The following CCDC93 variants were observed in gnomAD, a reference collection of about 807,000 sequenced individuals.
The protein encoded by CCDC93 is CCC complex scaffolding subunit CCDC93.
A neutral mutation model predicts 108.2 loss-of-function variants in CCDC93; 61 were observed. The ratio of observed to expected loss-of-function variants is 0.56; its 90% CI spans 0.46 to 0.70. CCDC93 has a LOEUF of 0.70. Among genes scored for constraint, CCDC93 ranks in the 30% least tolerant of loss-of-function variants. The pLI is 0.00. For missense variants in CCDC93, 685 were observed against 764.2 expected (o/e 0.90, Z 1.22); for synonymous variants, 276 against 260.4 (o/e 1.06, Z -0.58).
At position 117,975,271 on chromosome 2, in the gene CCDC93, T is replaced by C; in HGVS notation, c.667A>G (p.Lys223Glu). Residue 223 changes from lysine (K) to glutamate (E), a missense_variant, in exon 9 of 24, where the codon AAG becomes GAG. Physicochemically the swap from Lys to Glu is moderately conservative, Grantham distance 56. Transcript: ENST00000376300. Reference protein sequence around the residue: ...RQSKMEKAEDKKTALPAGLSA... With the variant: ...RQSKMEKAEDEKTALPAGLSA... ...AGCCCTGCTGGAAGTGCCGTTTTCT[T>C]GTCCTCAGCCTGCAAGGGAAGATGT... 6.2e-7 allele frequency: 1 copy of C among 1,612,816 alleles called. No individual in the cohort carries two copies. Among genetic ancestry groups the C allele is most frequent in the Non-Finnish European group, 8.5e-7 (1 of 1,179,692 alleles).
chr2:117,926,215 A>G lies in CCDC93; in HGVS notation c.1842+4822T>C, dbSNP rs1379096312. ...AACATCACAATGAAAAGAACTAGAGAAGCAAGAGCAAACACATTCAAAAGC... is the reference window on the plus strand; with the variant it reads ...AACATCACAATGAAAAGAACTAGAGGAGCAAGAGCAAACACATTCAAAAGC... On this transcript the variant is annotated intron_variant, in intron 23 of 23. Coordinates refer to ENST00000376300, the MANE Select transcript of CCDC93 (RefSeq NM_019044.5). Among the ~76,000 whole-genome samples, 4 of 152,328 alleles carry G rather than the reference A, an allele frequency of 2.6e-5. No individual in the cohort carries two copies. In the East Asian group the frequency reaches 7.7e-4, roughly 29 times the overall value.
intron 4 of CCDC93, among the ~76,000 whole-genome samples, chr2:117,998,553 A>G (rs190459054): frequency 4.3e-4 from 66 of 152,328 alleles, no homozygotes; most frequent in Admixed American, 3.9e-3. Flanking sequence ...AAAATTTTAC[A>G]GGTCCATGAA....
rs1166423716 is a variant in CCDC93, at chr2:117,996,358, A to G, written c.368T>C (p.Leu123Pro). 6.2e-7 allele frequency: 1 copy of G among 1,610,466 alleles called. No homozygotes were observed. The highest frequency in any genetic ancestry group is 8.5e-7 in the Non-Finnish European group (1 of 1,176,702). The change falls in exon 5 of 24, where the codon CTG becomes CCG. Residue 123 changes from leucine to proline, a missense_variant. Transcript: ENST00000376300. The part of the protein sequence containing the change: ...FIHIFPVVQW[L>P]VKRAIETKEE... ...TTTTGTTTCTATAGCTCGTTTCACC[A>G]GCCACTGGGGAAGAAAGTGAAAAGA...
In CCDC93 at chr2:118,008,601, A is replaced by G. The variant is rs1452935831; in HGVS notation, c.100T>C (p.Leu34=). 1.2e-6 allele frequency: 2 copies of G among 1,613,696 alleles called. No individual in the cohort carries two copies. The highest frequency in any genetic ancestry group is 8.5e-7 in the Non-Finnish European group (1 of 1,179,608). ...NVKLTEILEL[L]VAAGYFRARI... ...GCCCTGAAATACCCAGCTGCAACCA[A>G]GAGCTCCAGAATTTCAGTCAACTTG... Residue 34 remains leucine, a synonymous_variant, in exon 2 of 24, where the codon TTG becomes CTG. Coordinates refer to ENST00000376300, the MANE Select transcript of CCDC93 (RefSeq NM_019044.5).
rs1282380251 is a variant in CCDC93, at chr2:117,951,399, A to G, written c.1068+974T>C. 6 of 985,354 alleles carry G rather than the reference A, an allele frequency of 6.1e-6. No homozygotes were observed. The Admixed American group carries it at 3.7e-4, about 61-fold the overall frequency. The allele number at this position is 985,354 out of a possible 1,614,324, so 61.0% of individuals were successfully genotyped here. ...CCTGCCCTTTTGAAATATTCTGACAATAACTGAAGAGGTTAGTCCAGACCA... is the reference window on the plus strand; with the variant it reads ...CCTGCCCTTTTGAAATATTCTGACAGTAACTGAAGAGGTTAGTCCAGACCA... On this transcript the variant is annotated intron_variant, in intron 13 of 23. Transcript: ENST00000376300.
chr2:117,921,166 G>A (rs1309590839), intron 23 of CCDC93, among the ~76,000 whole-genome samples: 13 of 144,810 alleles, frequency 9.0e-5, no homozygotes, highest in Non-Finnish European at 1.7e-4. Context: ...GACAGAGCAA[G>A]GCTCTGTCTC....
chr2:117,938,963 T>A, intron 20 of CCDC93, 66 bp downstream of exon 20: 1 of 832,364 alleles, frequency 1.2e-6, no homozygotes, highest in Non-Finnish European at 2.0e-6. Context: ...ATCAAGTTCA[T>A]TTGACTTCCT....
chr2:117,937,128 G>A (rs1316105492), intron 20 of CCDC93, among the ~76,000 whole-genome samples: 2 of 152,182 alleles, frequency 1.3e-5, no homozygotes, highest in African/African-American at 4.8e-5. Flanking sequence ...ACAGCTTACG[G>A]GAGTCAGACA....
chr2:118,013,834 C>T lies in CCDC93; in HGVS notation c.42+120G>A, dbSNP rs61312184. ...GGTCGGCGCTTCCCTGAGGTGGATA[C>T]GCCTGAGGAAGGGGGCGGGGCGCCC... On this transcript the variant is annotated intron_variant, in intron 1 of 23. Transcript: ENST00000376300. 2.8e-3 allele frequency: 2,475 copies of T among 872,354 alleles called. 102 individuals are homozygous for T. The East Asian group carries it at 0.072, about 25-fold the overall frequency. 54.0% of individuals were successfully genotyped at this position (872,354 alleles called of 1,614,324 possible).
intron 23 of CCDC93, among the ~76,000 whole-genome samples, chr2:117,926,573 A>T (rs1221918246): frequency 6.6e-6 from 1 of 152,248 alleles, no homozygotes. Flanking sequence ...AACGAGGAAG[A>T]AGTTGAATTT....
intron 11 of CCDC93, among the ~76,000 whole-genome samples, chr2:117,969,871 C>T (rs1028782236): frequency 6.6e-6 from 1 of 152,178 alleles, no homozygotes; most frequent in Admixed American, 6.5e-5. Context: ...CCCTTCCTTA[C>T]AGCATCGAAC....
intron 12 of CCDC93, among the ~76,000 whole-genome samples, chr2:117,955,267 A>T (rs1679182100): frequency 1.3e-5 from 2 of 152,268 alleles, no homozygotes; most frequent in East Asian, 3.9e-4. Flanking sequence ...TTGTAACCAT[A>T]CAACTCACTC....
chr2:117,920,799 T>C (rs533491218), intron 23 of CCDC93, among the ~76,000 whole-genome samples: 1 of 152,280 alleles, frequency 6.6e-6, no homozygotes, highest in South Asian at 2.1e-4. Flanking sequence ...CTAGTTTACA[T>C]AGCAGGCAAA....
chr2:117,927,327 A>C (rs1452557107), intron 23 of CCDC93, among the ~76,000 whole-genome samples: 2 of 152,172 alleles, frequency 1.3e-5, no homozygotes, highest in African/African-American at 4.8e-5. Context: ...AAGAAGTCAA[A>C]TTGTCCCTGT....
intron 23 of CCDC93, among the ~76,000 whole-genome samples, chr2:117,922,247 G>A (rs976832065): frequency 1.3e-5 from 2 of 152,100 alleles, no homozygotes; most frequent in African/African-American, 2.4e-5. Context: ...TGTACTTTTC[G>A]GTAGAGACAG....
chr2:117,987,253 T>C (rs1680349104), intron 6 of CCDC93, among the ~76,000 whole-genome samples: 1 of 152,154 alleles, frequency 6.6e-6, no homozygotes, highest in Non-Finnish European at 1.5e-5. Flanking sequence ...AACCTTACTT[T>C]ACTATTGAGG....
At chr2:117,941,144 G>C (rs747369444) in intron 19 of CCDC93, 45 bp downstream of exon 19, 2 of 1,392,776 alleles carry the variant, frequency 1.4e-6, no homozygotes, top group South Asian at 2.3e-5. Context: ...CCCCTCGCCT[G>C]TCCCTTCCCA....
chr2:118,002,484 T>C (rs892381508), intron 3 of CCDC93, among the ~76,000 whole-genome samples: 4 of 152,050 alleles, frequency 2.6e-5, no homozygotes, highest in African/African-American at 9.7e-5. Context: ...ATCTGGAAAA[T>C]AGCTTCACAA....
At chr2:117,975,406 A>G in intron 8 of CCDC93, 126 bp from the exon 9 acceptor site, 1 of 681,606 alleles carries the variant, frequency 1.5e-6, no homozygotes. Context: ...GCATCCTGAG[A>G]GAGTGGATAC....
Sources: allele counts gnomAD v4.1 joint callset (sites outside exome capture counted in the v4.1 genomes callset), GRCh38; gene constraint gnomAD v4.1.1; transcripts MANE v1.5; gene names NCBI Gene and HGNC (gene_info 2026-07-23, HGNC 2026-07-21).